Variants in ANKRD2 observed in about 807,000 individuals in gnomAD.
ANKRD2 encodes ankyrin repeat domain-containing protein 2.
In ANKRD2, 35 loss-of-function variants were observed where a neutral mutation model predicts 37.3. The observed-to-expected ratio is 0.94, with a 90% CI of 0.72 to 1.24. The LOEUF is 1.24. ANKRD2 is among the 50% of genes most tolerant of loss of function. ANKRD2 has a pLI of 0.00. For synonymous variants in ANKRD2, 159 were observed against 186.5 expected (o/e 0.85, Z 1.20); for missense variants, 410 against 445.6 (o/e 0.92, Z 0.72).
At position 97,583,875 on chromosome 10, in the gene ANKRD2, T is replaced by A; in HGVS notation, c.*150T>A. The A allele has an allele frequency of 1.2e-6, 1 of 864,224 alleles. No homozygotes were observed. Among genetic ancestry groups the A allele is most frequent in the Non-Finnish European group, 1.6e-6 (1 of 628,830 alleles). 53.5% of individuals were successfully genotyped at this position (864,224 alleles called of 1,614,324 possible). On this transcript the variant is annotated 3_prime_UTR_variant, in exon 9 of 9. Transcript: ENST00000370655. ...ACAAACTACCACAATAAAAAAGCTG[T>A]TTTTGCTAATTGCGATGTTCATTTC...
chr10:97,577,762 C>G, intron 1 of ANKRD2, 38 bp from the exon 2 acceptor site: 1 of 1,505,868 alleles, frequency 6.6e-7, no homozygotes, highest in African/African-American at 1.4e-5. Context: ...TGCCTGTCTC[C>G]TCGGGTCCTG....
intron 1 of ANKRD2, among the ~76,000 whole-genome samples, chr10:97,573,192 C>T (rs2040782530): frequency 6.6e-6 from 1 of 152,252 alleles, no homozygotes; most frequent in South Asian, 2.1e-4. Flanking sequence ...CTGGGACTTT[C>T]AGGAATGTGT....
chr10:97,574,982 A>G (rs2040807598), intron 1 of ANKRD2, among the ~76,000 whole-genome samples: 1 of 152,232 alleles, frequency 6.6e-6, no homozygotes, highest in Admixed American at 6.5e-5. Context: ...CAGAGCTGTC[A>G]GGACACCAGT....
chr10:97,575,231 G>A (rs898468822), intron 1 of ANKRD2, among the ~76,000 whole-genome samples: 12 of 152,188 alleles, frequency 7.9e-5, no homozygotes, highest in African/African-American at 2.7e-4. Context: ...CCCCAGCCTG[G>A]CAGGGTTCTT....
intron 6 of ANKRD2, among the ~76,000 whole-genome samples, chr10:97,581,619 C>G (rs1589895776): frequency 6.6e-6 from 1 of 152,188 alleles, no homozygotes. Context: ...CCTTGAGGAA[C>G]CACCATCTGA....
At position 97,578,234 on chromosome 10, in the gene ANKRD2, G is replaced by C; in HGVS notation, c.190-6G>C. ...GCCTGGGGGGTTGATGGGCCATCCCGCGCAGGGCCAAGAGCGCGTGCGCAA... is the reference window on the plus strand; with the variant it reads ...GCCTGGGGGGTTGATGGGCCATCCCCCGCAGGGCCAAGAGCGCGTGCGCAA... On this transcript the variant is annotated splice_region_variant and splice_polypyrimidine_tract_variant and intron_variant, in intron 2 of 8. Coordinates refer to ENST00000370655, the MANE Select transcript of ANKRD2 (RefSeq NM_001346793.2). 7.4e-7 allele frequency: 1 copy of C among 1,359,216 alleles called. No individual in the cohort carries two copies. Among genetic ancestry groups the C allele is most frequent in the Non-Finnish European group, 9.8e-7 (1 of 1,023,156 alleles). 84.2% of individuals were successfully genotyped at this position (1,359,216 alleles called of 1,614,324 possible).
At chr10:97,575,537 C>T (rs1365020307) in intron 1 of ANKRD2, among the ~76,000 whole-genome samples, 1 of 152,158 alleles carries the variant, frequency 6.6e-6, no homozygotes, top group East Asian at 1.9e-4. Flanking sequence ...GCCTGTTGTC[C>T]TGGCGCATAA....
intron 4 of ANKRD2, among the ~76,000 whole-genome samples, chr10:97,580,180 A>G (rs1006689044): frequency 3.3e-5 from 5 of 152,166 alleles, no homozygotes; most frequent in African/African-American, 1.2e-4. Context: ...AAAAAGCAAA[A>G]CAAAACAAAA....
At chr10:97,582,095 T>C (rs2040905244) in intron 6 of ANKRD2, among the ~76,000 whole-genome samples, 1 of 152,174 alleles carries the variant, frequency 6.6e-6, no homozygotes, top group African/African-American at 2.4e-5. Context: ...GAGAGGAGAA[T>C]CACAGAAGGC....
chr10:97,581,053 G>C (rs1405497225), intron 5 of ANKRD2, 100 bp downstream of exon 5: 5 of 1,133,828 alleles, frequency 4.4e-6, no homozygotes, highest in South Asian at 2.9e-5. Flanking sequence ...GCATAAACAG[G>C]TTGCTCAGGT....
At chr10:97,578,144 G>GGCCCCCCCCCCCA in intron 2 of ANKRD2, 96 bp from the exon 3 acceptor site, 3 of 685,430 alleles carry the variant, frequency 4.4e-6, no homozygotes, top group Non-Finnish European at 7.5e-6. Context: ...GGGTCTTCCT[G>GGCCCCCCCCCCCA]CCCACCCCAC....
chr10:97,580,525 A>C (rs1451413159), intron 4 of ANKRD2, among the ~76,000 whole-genome samples: 1 of 152,174 alleles, frequency 6.6e-6, no homozygotes, highest in East Asian at 1.9e-4. Flanking sequence ...AAATGATGGC[A>C]TTTGAGCTGC....
chr10:97,575,724 C>T (rs561342729), intron 1 of ANKRD2, among the ~76,000 whole-genome samples: 1 of 152,300 alleles, frequency 6.6e-6, no homozygotes, highest in East Asian at 1.9e-4. Context: ...GCCTGGGCAA[C>T]ATGGTGGAAC....
rs551480864 is a variant in ANKRD2, at chr10:97,582,260, G to A, written c.655-55G>A. 112 of 1,464,094 alleles carry A rather than the reference G, an allele frequency of 7.6e-5. No homozygotes were observed. The African/African-American group carries it at 1.5e-3, about 20-fold the overall frequency. 90.7% of individuals were successfully genotyped at this position (1,464,094 alleles called of 1,614,324 possible). The stretch of plus-strand genomic sequence containing the variant: ...AGTTAGGACAGCCCCCGCCTTCCCA[G>A]GGGTACCACAGTTCAGGCCCCGTCA... On this transcript the variant is annotated intron_variant, in intron 6 of 8. Transcript: ENST00000370655.
At position 97,582,602 on chromosome 10, in the gene ANKRD2, A is replaced by G. The variant is rs1439011888; in HGVS notation, c.754-2A>G. 6 of 1,613,650 alleles carry G rather than the reference A, an allele frequency of 3.7e-6. No homozygotes were observed. The highest frequency in any genetic ancestry group is 5.1e-6 in the Non-Finnish European group (6 of 1,179,776). ...CCATAGTGAGTGCCACACTGACTCT[A>G]GGAAGGGGATACTGCCCTGCATGAC... On this transcript the variant is annotated splice_acceptor_variant, in intron 7 of 8. Coordinates refer to ENST00000370655, the MANE Select transcript of ANKRD2 (RefSeq NM_001346793.2). LOFTEE classifies it high-confidence loss of function.
At position 97,583,658 on chromosome 10, in the gene ANKRD2, A is replaced by G. The variant is rs767651764; in HGVS notation, c.935A>G (p.Glu312Gly). The stretch of plus-strand genomic sequence containing the variant: ...CTGGAGCATCCTGAGCCGGGGGCTG[A>G]GCATAACGGGCTGGAGGGGCCTAAT... ...HALEHPEPGA[E>G]HNGLEGPNDS... is the part of the protein sequence containing the mutation. Residue 312 changes from glutamate (E) to glycine (G), a missense_variant, in exon 9 of 9, where the codon GAG becomes GGG. Physicochemically the swap from Glu to Gly is moderately conservative, Grantham distance 98. Coordinates refer to ENST00000370655, the MANE Select transcript of ANKRD2 (RefSeq NM_001346793.2). The G allele has an allele frequency of 9.0e-5, 145 of 1,605,906 alleles. No homozygotes were observed. Among genetic ancestry groups the G allele is most frequent in the Non-Finnish European group, 1.2e-4 (140 of 1,176,816 alleles).
Position 97,583,771 on chromosome 10 carries a change from A to G in ANKRD2, c.*46A>G. On this transcript the variant is annotated 3_prime_UTR_variant, in exon 9 of 9. Coordinates refer to ENST00000370655, the MANE Select transcript of ANKRD2 (RefSeq NM_001346793.2). Reference sequence around the variant, plus strand: ...AGCTACCCAGCCCCTCTCTGTGTGCAGCCGGAGGGTCCTAAGAATGGCTCC... The same window carrying G: ...AGCTACCCAGCCCCTCTCTGTGTGCGGCCGGAGGGTCCTAAGAATGGCTCC... 6.8e-7 allele frequency: 1 copy of G among 1,461,432 alleles called. No homozygotes were observed. The highest frequency in any genetic ancestry group is 9.0e-7 in the Non-Finnish European group (1 of 1,108,508). The allele number at this position is 1,461,432 out of a possible 1,614,324, so 90.5% of individuals were successfully genotyped here.
intron 6 of ANKRD2, among the ~76,000 whole-genome samples, chr10:97,582,092 G>A (rs2040905166): frequency 6.6e-6 from 1 of 152,210 alleles, no homozygotes; most frequent in Non-Finnish European, 1.5e-5. Context: ...GGTGAGAGGA[G>A]AATCACAGAA....
chr10:97,578,685 G>A, intron 4 of ANKRD2, 80 bp downstream of exon 4: 1 of 1,162,530 alleles, frequency 8.6e-7, no homozygotes, highest in Middle Eastern at 2.4e-4. Context: ...TCAGCCCACT[G>A]TGAGCCTATT....
Sources: allele counts gnomAD v4.1 joint callset (sites outside exome capture counted in the v4.1 genomes callset), GRCh38; gene constraint gnomAD v4.1.1; transcripts MANE v1.5; gene names NCBI Gene and HGNC (gene_info 2026-07-23, HGNC 2026-07-21).